KLHL2: variants seen among roughly 807,000 people sequenced by gnomAD.
The protein encoded by KLHL2 is kelch-like protein 2.
KLHL2 carries 15 observed loss-of-function variants against 75.8 expected under a neutral mutation model. The ratio of observed to expected loss-of-function variants is 0.20; its 90% CI spans 0.13 to 0.30. The LOEUF is 0.30. Among genes scored for constraint, KLHL2 ranks in the 10% least tolerant of loss-of-function variants. The pLI is 1.00. For synonymous variants in KLHL2, 214 were observed against 251.9 expected, an observed-to-expected ratio of 0.85 and a Z score of 1.42; for missense variants, 381 against 741.0, an observed-to-expected ratio of 0.51 and a Z score of 5.64.
At chr4:165,285,410 A>T (rs536169156) in intron 5 of KLHL2, among the ~76,000 whole-genome samples, 2 of 152,088 alleles carry the variant, frequency 1.3e-5, no homozygotes, top group Non-Finnish European at 2.9e-5. Context: ...CAGTGTGAAT[A>T]TACTACTTTT....
intron 5 of KLHL2, among the ~76,000 whole-genome samples, chr4:165,285,555 C>T (rs185542812): frequency 2.6e-4 from 40 of 152,120 alleles, no homozygotes; most frequent in East Asian, 5.8e-4. Flanking sequence ...TACAGGTTCC[C>T]GCCACCATTC....
intron 13 of KLHL2, among the ~76,000 whole-genome samples, chr4:165,316,092 C>G (rs1266900268): frequency 6.6e-6 from 1 of 152,118 alleles, no homozygotes; most frequent in Non-Finnish European, 1.5e-5. Flanking sequence ...TGATTTGGCT[C>G]CTATCGCCTA....
intron 5 of KLHL2, among the ~76,000 whole-genome samples, chr4:165,280,952 T>C (rs1400595765): frequency 6.6e-6 from 1 of 152,264 alleles, no homozygotes; most frequent in African/African-American, 2.4e-5. Context: ...TTATCTAGTC[T>C]AACACTTTCA....
chr4:165,295,165 G>C (rs1049186350), intron 6 of KLHL2, among the ~76,000 whole-genome samples: 1 of 152,150 alleles, frequency 6.6e-6, no homozygotes, highest in African/African-American at 2.4e-5. Flanking sequence ...TTAGTGGGCT[G>C]TTTTTCCTTG....
chr4:165,305,541 T>C lies in KLHL2; in HGVS notation c.922-67T>C, dbSNP rs1249600429. The C allele has an allele frequency of 3.1e-6, 4 of 1,286,884 alleles. No homozygotes were observed. In the African/African-American group the frequency reaches 5.8e-5, roughly 19 times the overall value. The allele number at this position is 1,286,884 out of a possible 1,614,324, so 79.7% of individuals were successfully genotyped here. On this transcript the variant is annotated intron_variant, in intron 8 of 14. Coordinates refer to ENST00000226725, the MANE Select transcript of KLHL2 (RefSeq NM_007246.4). The stretch of plus-strand genomic sequence containing the variant: ...AACACTTCCCACACCAGTGTCTTTG[T>C]AGGACATTTTAAATCCTGAATATGT...
chr4:165,299,449 G>T, intron 7 of KLHL2, 58 bp from the exon 8 acceptor site: 5 of 1,431,172 alleles, frequency 3.5e-6, no homozygotes, highest in South Asian at 3.1e-5. Flanking sequence ...TTTTTCTTTG[G>T]CAATTTAATT....
intron 2 of KLHL2, among the ~76,000 whole-genome samples, chr4:165,225,532 C>G (rs1738370799): frequency 6.6e-6 from 1 of 152,142 alleles, no homozygotes; most frequent in African/African-American, 2.4e-5. Context: ...GTAATAGGAA[C>G]ATAAACTTAG....
At chr4:165,278,677 A>G (rs775685066) in intron 5 of KLHL2, 9 of 1,601,654 alleles carry the variant, frequency 5.6e-6, no homozygotes, top group Non-Finnish European at 7.7e-6. Context: ...CACCAGCTAT[A>G]GCTACAGAAC....
At chr4:165,264,735 T>TATATATATATATATATATATAC (rs1742071423) in intron 5 of KLHL2, among the ~76,000 whole-genome samples, 1 of 79,794 alleles carries the variant, frequency 1.3e-5, no homozygotes, top group African/African-American at 4.4e-5. Flanking sequence ...TATATATATA[T>TATATATATATATATATATATAC]ATATGTATAT....
chr4:165,277,905 C>T (rs536017327), intron 5 of KLHL2: 17 of 852,724 alleles, frequency 2.0e-5, no homozygotes, highest in South Asian at 6.6e-5. Flanking sequence ...ATAGTGTCAT[C>T]GCATTAAGAG....
intron 5 of KLHL2, among the ~76,000 whole-genome samples, chr4:165,269,510 T>G (rs1440954282): frequency 2.6e-5 from 4 of 152,060 alleles, no homozygotes; most frequent in African/African-American, 9.7e-5. Flanking sequence ...GCAGGCCTGG[T>G]GGTGACAAAT....
At chr4:165,249,301 A>C (rs2111156852) in intron 4 of KLHL2, among the ~76,000 whole-genome samples, 1 of 152,360 alleles carries the variant, frequency 6.6e-6, no homozygotes, top group Non-Finnish European at 1.5e-5. Context: ...GAACACTAAT[A>C]CATAAACCAA....
chr4:165,265,845 A>T lies in KLHL2; in HGVS notation c.544+2486A>T, dbSNP rs547920175. Among the ~76,000 whole-genome samples, 10 of 152,272 alleles carry T rather than the reference A, an allele frequency of 6.6e-5. No individual in the cohort carries two copies. The South Asian group carries it at 1.9e-3, about 28-fold the overall frequency. ...CTTTGGGTATATACCCAGTAATGGGATTGCTGGGTCAAATGGTATTTGTAG... is the reference window on the plus strand; with the variant it reads ...CTTTGGGTATATACCCAGTAATGGGTTTGCTGGGTCAAATGGTATTTGTAG... On this transcript the variant is annotated intron_variant, in intron 5 of 14. Coordinates refer to ENST00000226725, the MANE Select transcript of KLHL2 (RefSeq NM_007246.4).
chr4:165,259,803 G>T (rs9992742), intron 4 of KLHL2, among the ~76,000 whole-genome samples: 8,567 of 152,226 alleles, frequency 0.056, 542 homozygotes, highest in African/African-American at 0.16. Context: ...GTAGACCAAA[G>T]AGCTGACCAA....
intron 2 of KLHL2, among the ~76,000 whole-genome samples, chr4:165,226,499 A>G (rs1738446655): frequency 1.3e-5 from 2 of 151,956 alleles, no homozygotes; most frequent in South Asian, 4.1e-4. Flanking sequence ...TTTCCATAAC[A>G]TCTTTATTAC....
chr4:165,249,829 A>G (rs1187009979), intron 4 of KLHL2, among the ~76,000 whole-genome samples: 1 of 152,174 alleles, frequency 6.6e-6, no homozygotes, highest in African/African-American at 2.4e-5. Context: ...CTCATGTTAA[A>G]AATAGTTTCT....
At chr4:165,272,120 C>A (rs370320148) in intron 5 of KLHL2, among the ~76,000 whole-genome samples, 2 of 152,116 alleles carry the variant, frequency 1.3e-5, no homozygotes, top group Non-Finnish European at 2.9e-5. Flanking sequence ...TAAATTTAGA[C>A]CTTATTGATT....
intron 14 of KLHL2, 69 bp downstream of exon 14, chr4:165,318,038 A>G: frequency 3.5e-6 from 5 of 1,410,486 alleles, no homozygotes; most frequent in Non-Finnish European, 4.9e-6. Flanking sequence ...ATATTAACGA[A>G]GTTTTTCTGT....
intron 5 of KLHL2, among the ~76,000 whole-genome samples, chr4:165,275,114 T>TTTATC (rs1742981183): frequency 6.6e-6 from 1 of 151,394 alleles, no homozygotes; most frequent in South Asian, 2.1e-4. Context: ...TTTATTTTAT[T>TTTATC]TTATTTTATT....
Sources: gnomAD v4.1 joint callset for allele counts (sites outside exome capture counted in the v4.1 genomes callset) on GRCh38, gnomAD v4.1.1 for gene constraint, MANE v1.5 for transcripts, NCBI Gene and HGNC (gene_info 2026-07-23, HGNC 2026-07-21) for gene names.